NACC2: variants seen among roughly 807,000 people sequenced by gnomAD.
NACC2 encodes nucleus accumbens-associated protein 2.
A neutral mutation model predicts 25.1 loss-of-function variants in NACC2; 8 were observed. That is an observed-to-expected ratio of 0.32 (90% CI 0.19 to 0.57). The LOEUF (loss-of-function observed/expected upper bound fraction) is 0.57. Ranked by LOEUF, NACC2 falls within the 20% of genes least tolerant of loss-of-function variation. The probability of loss-of-function intolerance (pLI) is 0.89; values close to 1 mark genes in which losing one functional copy is unlikely to be tolerated. For synonymous variants in NACC2, 435 were observed against 294.7 expected (o/e 1.48, Z -4.88); for missense variants, 644 against 650.2 (o/e 0.99, Z 0.10).
chr9:136,011,187 A>C lies in NACC2; in HGVS notation c.*329T>G. The C allele has an allele frequency of 5.4e-5, 10 of 186,144 alleles. No individual in the cohort carries two copies. The highest frequency in any genetic ancestry group is 6.6e-5 in the Non-Finnish European group (6 of 90,980). 11.5% of individuals were successfully genotyped at this position (186,144 alleles called of 1,614,324 possible). Reference sequence around the variant, plus strand: ...GGAGGAGCAGGAAGGGCAGGGAGGAAGGGGCAGGGCTGGGCACCAGGGGCC... The same window carrying C: ...GGAGGAGCAGGAAGGGCAGGGAGGACGGGGCAGGGCTGGGCACCAGGGGCC... On this transcript the variant is annotated 3_prime_UTR_variant, in exon 6 of 6. Transcript: ENST00000277554.
intron 1 of NACC2, among the ~76,000 whole-genome samples, chr9:136,061,738 G>A (rs889017548): frequency 6.6e-6 from 1 of 152,096 alleles, no homozygotes; most frequent in Non-Finnish European, 1.5e-5. Context: ...GAAGCCAGGT[G>A]GGTGGGCGGG....
intron 2 of NACC2, 97 bp downstream of exon 2, chr9:136,049,539 C>G (rs1469416856): frequency 1.6e-6 from 1 of 639,108 alleles, no homozygotes; most frequent in Non-Finnish European, 2.8e-6. Flanking sequence ...CCTGTGGCCC[C>G]GCAGGCCTCC....
intron 1 of NACC2, among the ~76,000 whole-genome samples, chr9:136,066,952 A>G (rs1279621732): frequency 6.6e-6 from 1 of 152,086 alleles, no homozygotes; most frequent in East Asian, 1.9e-4. Context: ...AAGATTAAAA[A>G]AAAAAAAAAA....
intron 1 of NACC2, among the ~76,000 whole-genome samples, chr9:136,056,033 C>G (rs956168316): frequency 6.6e-6 from 1 of 152,126 alleles, no homozygotes; most frequent in Admixed American, 6.5e-5. Flanking sequence ...CTTTCCCATA[C>G]GGTGCAGGCT....
At chr9:136,038,031 C>G (rs1840579678) in intron 2 of NACC2, among the ~76,000 whole-genome samples, 1 of 152,114 alleles carries the variant, frequency 6.6e-6, no homozygotes, top group Non-Finnish European at 1.5e-5. Flanking sequence ...AGAATCAATG[C>G]TAATACAACA....
chr9:136,073,398 C>A (rs1830221040), intron 1 of NACC2, among the ~76,000 whole-genome samples: 1 of 151,922 alleles, frequency 6.6e-6, no homozygotes, highest in African/African-American at 2.4e-5. Context: ...CCGCTGCACT[C>A]CAGCCTGGGT....
chr9:136,073,719 T>C (rs1389565789), intron 1 of NACC2, among the ~76,000 whole-genome samples: 7 of 152,222 alleles, frequency 4.6e-5, no homozygotes, highest in African/African-American at 9.6e-5. Context: ...AGCAGCTGCG[T>C]GTGTGCTACA....
intron 2 of NACC2, among the ~76,000 whole-genome samples, chr9:136,038,939 T>C (rs894989245): frequency 2.0e-5 from 3 of 152,062 alleles, no homozygotes; most frequent in Non-Finnish European, 2.9e-5. Flanking sequence ...GGAGAAAAGG[T>C]AAATGAACAA....
At chr9:136,064,454 C>T (rs190173871) in intron 1 of NACC2, among the ~76,000 whole-genome samples, 5 of 152,180 alleles carry the variant, frequency 3.3e-5, no homozygotes, top group South Asian at 2.1e-4. Flanking sequence ...CCATTTACAA[C>T]GGCATCAAAA....
chr9:136,055,531 T>C lies in NACC2; in HGVS notation c.-59-4951A>G, dbSNP rs1840911458. The stretch of plus-strand genomic sequence containing the variant: ...CCTCGCCCAGAGTCCCCAGAAACCC[T>C]GCCCCCTCCACCCCTAGATTGTAAA... On this transcript the variant is annotated intron_variant, in intron 1 of 5. Coordinates refer to ENST00000277554, the MANE Select transcript of NACC2 (RefSeq NM_144653.5). This position sits in a 1 kb window ranked among gnomAD's most constrained non-coding sequence, Gnocchi z 4.9. Among the ~76,000 whole-genome samples, 1 of 152,168 alleles carries C rather than the reference T, an allele frequency of 6.6e-6. No individual in the cohort carries two copies. The highest frequency in any genetic ancestry group is 1.5e-5 in the Non-Finnish European group (1 of 68,010).
intron 1 of NACC2, among the ~76,000 whole-genome samples, chr9:136,057,370 T>C (rs1461429098): frequency 6.6e-6 from 1 of 151,686 alleles, no homozygotes; most frequent in Non-Finnish European, 1.5e-5. Flanking sequence ...ACTCGAAGGG[T>C]GGGGAGGGAC....
At chr9:136,080,590 A>C (rs997410756) in intron 1 of NACC2, among the ~76,000 whole-genome samples, 14 of 152,068 alleles carry the variant, frequency 9.2e-5, no homozygotes, top group African/African-American at 3.1e-4. Context: ...TGCTCCAATA[A>C]AAAAACTCCA....
rs1840846593 is a variant in NACC2, at chr9:136,051,876, A to AGGAGGAGGAGGAGG, written c.-59-1297_-59-1296insCCTCCTCCTCCTCC. On this transcript the variant is annotated intron_variant, in intron 1 of 5. Transcript: ENST00000277554. ...GGCGGGGAGGGCGCAGGGAGCCGGC[A>AGGAGGAGGAGGAGG]AGGAGGAGGAGGAGGAGGAGGAGGA... is the stretch of plus-strand genomic sequence containing the variant. Among the ~76,000 whole-genome samples, 10 of 132,378 alleles carry AGGAGGAGGAGGAGG rather than the reference A, an allele frequency of 7.6e-5. No homozygotes were observed. The East Asian group carries it at 2.2e-3, about 29-fold the overall frequency. The allele number at this position is 132,378 out of a possible 152,430, so 86.8% of individuals were successfully genotyped here. A position where few individuals can be genotyped will look rare whatever the true frequency, so the allele number is the denominator to read the frequency against.
intron 2 of NACC2, among the ~76,000 whole-genome samples, chr9:136,045,921 C>A (rs1840716072): frequency 6.6e-6 from 1 of 152,178 alleles, no homozygotes; most frequent in African/African-American, 2.4e-5. Flanking sequence ...TGGCGCTGCC[C>A]ACCCGGCCGG....
chr9:136,024,324 C>G (rs1588560858), intron 2 of NACC2, among the ~76,000 whole-genome samples: 2 of 79,304 alleles, frequency 2.5e-5, no homozygotes, highest in Non-Finnish European at 2.5e-5. Flanking sequence ...TGTGTGAGGA[C>G]AGAGTGTGTG....
intron 1 of NACC2, among the ~76,000 whole-genome samples, chr9:136,080,972 C>T (rs1830316915): frequency 6.6e-6 from 1 of 152,190 alleles, no homozygotes; most frequent in Non-Finnish European, 1.5e-5. Context: ...GCAGCCCCTC[C>T]CGCTGTCTCC....
rs531973634 is a variant in NACC2, at chr9:136,057,054, C to T, written c.-59-6474G>A. On this transcript the variant is annotated intron_variant, in intron 1 of 5. Transcript: ENST00000277554. ...AGGGTGGGCCTCCAGCAGCCAGTAC[C>T]TCGAGGGAGGGCTGGGAGGACGCTC... 8.6e-4 allele frequency among the ~76,000 whole-genome samples: 131 copies of T among 152,292 alleles called. 2 individuals carry two copies. The highest frequency in any genetic ancestry group is 8.5e-4 in the Admixed American group (13 of 15,310).
At chr9:136,063,917 T>C (rs995518284) in intron 1 of NACC2, among the ~76,000 whole-genome samples, 7 of 150,962 alleles carry the variant, frequency 4.6e-5, no homozygotes, top group Admixed American at 4.6e-4. Context: ...CAAAAATCAC[T>C]TAAACAGCTG....
chr9:136,071,388 T>C (rs7028313), intron 1 of NACC2, among the ~76,000 whole-genome samples: 82,670 of 151,290 alleles, frequency 0.55, 22,876 homozygotes, highest in Middle Eastern at 0.67. Context: ...ACTAAAGATA[T>C]GAAAATTAGT....
Sources: allele counts gnomAD v4.1 joint callset (sites outside exome capture counted in the v4.1 genomes callset), GRCh38; gene constraint gnomAD v4.1.1; non-coding constraint Gnocchi (gnomAD v3.1); transcripts MANE v1.5; gene names NCBI Gene and HGNC (gene_info 2026-07-23, HGNC 2026-07-21).